The following LRBA variants were observed in gnomAD, a reference collection of about 807,000 sequenced individuals.
LRBA encodes lipopolysaccharide-responsive and beige-like anchor protein.
Under a neutral mutation model 330.0 loss-of-function variants are expected in LRBA, and 176 were observed. The ratio of observed to expected loss-of-function variants is 0.53; its 90% CI spans 0.47 to 0.60. LRBA has a LOEUF of 0.60. Among genes scored for constraint, LRBA ranks in the 20% least tolerant of loss-of-function variants. The probability of loss-of-function intolerance (pLI) is 0.00; values close to 1 mark genes in which losing one functional copy is unlikely to be tolerated. For synonymous variants in LRBA, 1,230 were observed against 1,193.0 expected, an observed-to-expected ratio of 1.03 and a Z score of -0.64; for missense variants, 3,259 against 3,444.8, an observed-to-expected ratio of 0.95 and a Z score of 1.35.
rs371586581 is a variant in LRBA at position 150,502,823 on chromosome 4, C to T, written c.6331-11788G>A. On this transcript the variant is annotated intron_variant, in intron 40 of 56. Coordinates refer to ENST00000651943, the MANE Select transcript of LRBA (RefSeq NM_001364905.1). ...CCTAGTCAAAGAAAGGGGTGACAGA[C>T]GGCACCTGGAAAATTGGGTCACTCC... is the stretch of plus-strand genomic sequence containing the variant. 4.0e-4 allele frequency among the ~76,000 whole-genome samples: 61 copies of T among 152,308 alleles called. No homozygotes were observed. In the Middle Eastern group the frequency reaches 0.01, roughly 25 times the overall value.
At chr4:150,721,309 A>G in intron 36 of LRBA, 1 of 342,914 alleles carries the variant, frequency 2.9e-6, no homozygotes, top group Non-Finnish European at 5.6e-6. Flanking sequence ...TGGGAAGTGA[A>G]AGTACTTTGT....
chr4:150,691,978 C>T (rs1459019414), intron 36 of LRBA, among the ~76,000 whole-genome samples: 1 of 152,062 alleles, frequency 6.6e-6, no homozygotes, highest in Non-Finnish European at 1.5e-5. Flanking sequence ...ATAAAACTAT[C>T]TATAATAACA....
intron 34 of LRBA, among the ~76,000 whole-genome samples, chr4:150,767,509 C>T (rs1189128295): frequency 6.6e-6 from 1 of 151,896 alleles, no homozygotes; most frequent in Non-Finnish European, 1.5e-5. Context: ...TCTGTAATCC[C>T]AGAACTTTGG....
At chr4:150,963,120 T>C (rs1294057632) in intron 2 of LRBA, among the ~76,000 whole-genome samples, 2 of 147,980 alleles carry the variant, frequency 1.4e-5, no homozygotes, top group Admixed American at 1.3e-4. Context: ...AGGGGCAAAG[T>C]AACATGTTAT....
At chr4:151,001,236 G>T (rs1288561928) in intron 2 of LRBA, among the ~76,000 whole-genome samples, 1 of 152,152 alleles carries the variant, frequency 6.6e-6, no homozygotes, top group African/African-American at 2.4e-5. Flanking sequence ...TGAGGCACAA[G>T]CGGGGCATGT....
intron 47 of LRBA, among the ~76,000 whole-genome samples, chr4:150,385,787 T>A (rs1742971634): frequency 6.6e-6 from 1 of 152,046 alleles, no homozygotes; most frequent in African/African-American, 2.4e-5. Flanking sequence ...CCAAGTACAT[T>A]TCCAGCCAGC....
At chr4:150,826,722 G>T (rs955257395) in intron 30 of LRBA, among the ~76,000 whole-genome samples, 1 of 151,910 alleles carries the variant, frequency 6.6e-6, no homozygotes, top group Non-Finnish European at 1.5e-5. Context: ...GCCCTCAAAC[G>T]CAACTTCTCT....
At chr4:150,442,565 A>G (rs1198410176) in intron 44 of LRBA, among the ~76,000 whole-genome samples, 2 of 152,182 alleles carry the variant, frequency 1.3e-5, no homozygotes, top group Non-Finnish European at 2.9e-5. Flanking sequence ...TCGTGATGAC[A>G]GATAAAGCCT....
chr4:150,792,004 G>C (rs1740000799), intron 34 of LRBA, among the ~76,000 whole-genome samples: 1 of 143,272 alleles, frequency 7.0e-6, no homozygotes. Context: ...ACTCCAGCCT[G>C]GGCGACAGAG....
chr4:150,362,144 T>A (rs1738799863), intron 47 of LRBA, among the ~76,000 whole-genome samples: 1 of 152,136 alleles, frequency 6.6e-6, no homozygotes. Flanking sequence ...GAATAGTATT[T>A]CCTCTGACAC....
Position 150,436,740 on chromosome 4 carries a change from G to T in LRBA, c.6905C>A (p.Ala2302Glu). 6.2e-7 allele frequency: 1 copy of T among 1,612,566 alleles called. No homozygotes were observed. Among genetic ancestry groups the T allele is most frequent in the Non-Finnish European group, 8.5e-7 (1 of 1,179,030 alleles). Reference sequence around the variant, plus strand: ...TGAACTTACTATTCTTAGCAGCCATGCAAGAACAAAACTTGCAGTTGAGTA... The same window carrying T: ...TGAACTTACTATTCTTAGCAGCCATTCAAGAACAAAACTTGCAGTTGAGTA... Reference protein sequence around the residue: ...THYSTASFVLAWLLRIEPFTT... With the variant: ...THYSTASFVLEWLLRIEPFTT... The change falls in exon 45 of 57, where the codon GCA becomes GAA. Residue 2302 changes from alanine (A) to glutamate (E), a missense_variant. Ala to Glu is a moderately radical substitution (Grantham distance 107, BLOSUM62 -1). Coordinates refer to ENST00000651943, the MANE Select transcript of LRBA (RefSeq NM_001364905.1).
chr4:150,300,629 C>G (rs1729550689), intron 53 of LRBA, among the ~76,000 whole-genome samples: 1 of 151,946 alleles, frequency 6.6e-6, no homozygotes, highest in Non-Finnish European at 1.5e-5. Context: ...ACTACAAACC[C>G]CAGGATTTGT....
chr4:150,795,650 T>C (rs2126661056), intron 34 of LRBA, among the ~76,000 whole-genome samples: 2 of 152,090 alleles, frequency 1.3e-5, no homozygotes, highest in South Asian at 2.1e-4. Flanking sequence ...TTAAATAGAC[T>C]AAAATATGAA....
rs902322229 is a variant in LRBA at position 150,954,971 on chromosome 4, G to A, written c.217-25906C>T. Among the ~76,000 whole-genome samples, 28 of 148,736 alleles carry A rather than the reference G, an allele frequency of 1.9e-4. 1 individual carries two copies. Among genetic ancestry groups the A allele is most frequent in the Non-Finnish European group, 3.2e-4 (22 of 67,944 alleles). On this transcript the variant is annotated intron_variant, in intron 2 of 56. Transcript: ENST00000651943. The stretch of plus-strand genomic sequence containing the variant: ...ACACTCCTAAATAGCCTATATAAAA[G>A]AATAAGTGAAGAAAAAAAATTAGGC...
chr4:150,268,756 T>C (rs1745685228), intron 56 of LRBA, among the ~76,000 whole-genome samples: 2 of 152,182 alleles, frequency 1.3e-5, no homozygotes, highest in Admixed American at 1.3e-4. Flanking sequence ...CTACCTCAAA[T>C]GATAAACAGC....
chr4:150,954,078 C>A (rs1737230922), intron 2 of LRBA, among the ~76,000 whole-genome samples: 1 of 151,092 alleles, frequency 6.6e-6, no homozygotes, highest in South Asian at 2.1e-4. Context: ...AGAAGCCCCT[C>A]CACCCAGCAG....
At chr4:150,483,292 T>A (rs1471166330) in intron 42 of LRBA, among the ~76,000 whole-genome samples, 1 of 152,068 alleles carries the variant, frequency 6.6e-6, no homozygotes, top group Non-Finnish European at 1.5e-5. Context: ...AAAAATCAAA[T>A]TGATCATATA....
chr4:150,936,139 A>G (rs1735061191), intron 2 of LRBA, among the ~76,000 whole-genome samples: 1 of 152,114 alleles, frequency 6.6e-6, no homozygotes, highest in Non-Finnish European at 1.5e-5. Flanking sequence ...GTAGGTGAGA[A>G]CAAGATTAAA....
intron 47 of LRBA, among the ~76,000 whole-genome samples, chr4:150,356,354 T>G (rs1737847610): frequency 6.6e-6 from 1 of 152,074 alleles, no homozygotes; most frequent in African/African-American, 2.4e-5. Flanking sequence ...GTGTGCACCA[T>G]TAGGTCTAGT....
Sources: gnomAD v4.1 joint callset for allele counts (sites outside exome capture counted in the v4.1 genomes callset) on GRCh38, gnomAD v4.1.1 for gene constraint, MANE v1.5 for transcripts, NCBI Gene and HGNC (gene_info 2026-07-23, HGNC 2026-07-21) for gene names.